The following TRIM9 variants were observed in gnomAD, a reference collection of about 807,000 sequenced individuals.
TRIM9 encodes the protein E3 ubiquitin-protein ligase TRIM9.
In TRIM9, 26 loss-of-function variants were observed where a neutral mutation model predicts 78.3. The ratio of observed to expected loss-of-function variants is 0.33; its 90% CI spans 0.24 to 0.46. TRIM9 has a LOEUF of 0.46. Among genes scored for constraint, TRIM9 ranks in the 20% least tolerant of loss-of-function variants. The probability of loss-of-function intolerance (pLI) is 1.00; values close to 1 mark genes in which losing one functional copy is unlikely to be tolerated. For synonymous variants in TRIM9, 398 were observed against 416.5 expected (o/e 0.96, Z 0.54); for missense variants, 787 against 1,036.4 (o/e 0.76, Z 3.30).
intron 1 of TRIM9, among the ~76,000 whole-genome samples, chr14:51,029,095 A>C (rs2058504418): frequency 6.6e-6 from 1 of 152,122 alleles, no homozygotes; most frequent in Non-Finnish European, 1.5e-5. Flanking sequence ...GCCCAGGCAG[A>C]AGACAGTATC....
At chr14:51,041,990 C>T (rs61985028) in intron 1 of TRIM9, among the ~76,000 whole-genome samples, 1 of 152,162 alleles carries the variant, frequency 6.6e-6, no homozygotes, top group Non-Finnish European at 1.5e-5. Context: ...TGGCTCACTG[C>T]TGGAGCAGGA....
chr14:50,985,611 A>G (rs926882159), intron 8 of TRIM9, among the ~76,000 whole-genome samples: 1 of 152,200 alleles, frequency 6.6e-6, no homozygotes, highest in African/African-American at 2.4e-5. Flanking sequence ...CATTACTGCC[A>G]TGGCCGCCAC....
chr14:51,063,973 C>T (rs536152878), intron 1 of TRIM9, among the ~76,000 whole-genome samples: 3 of 151,932 alleles, frequency 2.0e-5, no homozygotes, highest in Admixed American at 6.5e-5. Flanking sequence ...GTATAGTTTC[C>T]CTCCTTAATT....
intron 1 of TRIM9, among the ~76,000 whole-genome samples, chr14:51,044,446 A>G (rs1347173901): frequency 1.3e-5 from 2 of 152,082 alleles, no homozygotes; most frequent in Non-Finnish European, 2.9e-5. Flanking sequence ...TGTTTTTGAG[A>G]GGGGTTTCTG....
chr14:51,046,692 G>A (rs939741138), intron 1 of TRIM9, among the ~76,000 whole-genome samples: 1 of 152,150 alleles, frequency 6.6e-6, no homozygotes, highest in African/African-American at 2.4e-5. Flanking sequence ...TGCAGACTTT[G>A]GAACCAGACT....
chr14:51,071,259 C>T (rs12435402), intron 1 of TRIM9, among the ~76,000 whole-genome samples: 37,650 of 151,256 alleles, frequency 0.25, 4,945 homozygotes, highest in African/African-American at 0.32. Context: ...GCCTGTAATC[C>T]CAGCTACTCT....
rs777157344 is a variant in TRIM9, at chr14:51,094,359, C to T, written c.581G>A (p.Arg194His). 1 of 1,613,620 alleles carries T rather than the reference C, an allele frequency of 6.2e-7. No individual in the cohort carries two copies. Among genetic ancestry groups the T allele is most frequent in the South Asian group, 1.1e-5 (1 of 91,082 alleles). ...CCCCCGGGGCGGGTGGCAGCGCAGG[C>T]GGCACGGATCGCAGTAGAAGACATC... The part of the protein sequence containing the change: ...QCDVFYCDPC[R>H]LRCHPPRGPL... Residue 194 changes from arginine (R) to histidine (H), a missense_variant, in exon 1 of 13, where the codon CGC becomes CAC. Physicochemically the swap from Arg to His is conservative, Grantham distance 29 (BLOSUM62 0). This residue lies in a region of TRIM9 where 352 missense variants were observed against 472.3 expected (regional missense o/e 0.75). Transcript: ENST00000684578.
At chr14:51,034,492 T>C (rs1207447672) in intron 1 of TRIM9, among the ~76,000 whole-genome samples, 1 of 152,156 alleles carries the variant, frequency 6.6e-6, no homozygotes, top group East Asian at 1.9e-4. Context: ...AAGAAGTACA[T>C]TCATCACCTT....
In TRIM9 at chr14:51,022,971, C is replaced by T. The variant is rs932057934; in HGVS notation, c.919-14G>A. On this transcript the variant is annotated splice_polypyrimidine_tract_variant and intron_variant, in intron 2 of 12. Transcript: ENST00000684578. ...CACACTGTTCTCCTGTGTAACAGAG[C>T]ACATTTCTCAACTGCAAGCTGCTGG... is the stretch of plus-strand genomic sequence containing the variant. 2 of 1,613,466 alleles carry T rather than the reference C, an allele frequency of 1.2e-6. No individual in the cohort carries two copies. Among genetic ancestry groups the T allele is most frequent in the Non-Finnish European group, 1.7e-6 (2 of 1,179,888 alleles).
At chr14:51,020,272 G>A (rs1178800309) in intron 3 of TRIM9, among the ~76,000 whole-genome samples, 2 of 152,200 alleles carry the variant, frequency 1.3e-5, no homozygotes, top group Admixed American at 6.5e-5. Flanking sequence ...AGGGGGAGAG[G>A]AGAGCGAGCG....
At chr14:51,088,422 AT>A (rs1210959708) in intron 1 of TRIM9, among the ~76,000 whole-genome samples, 1 of 152,244 alleles carries the variant, frequency 6.6e-6, no homozygotes, top group Non-Finnish European at 1.5e-5. Flanking sequence ...TCTCAAACTT[AT>A]TTAACTATGG....
At chr14:50,992,103 T>C (rs2053587884) in intron 7 of TRIM9, among the ~76,000 whole-genome samples, 1 of 152,198 alleles carries the variant, frequency 6.6e-6, no homozygotes, top group African/African-American at 2.4e-5. Context: ...TGGTTAGGGA[T>C]TGGAAAGGCA....
intron 1 of TRIM9, among the ~76,000 whole-genome samples, chr14:51,050,898 A>G (rs971407580): frequency 3.3e-5 from 5 of 152,190 alleles, no homozygotes; most frequent in African/African-American, 1.2e-4. Flanking sequence ...AACCCTACTC[A>G]AGCCTTCAGA....
At chr14:50,990,992 T>A (rs2053434657) in intron 7 of TRIM9, among the ~76,000 whole-genome samples, 1 of 152,206 alleles carries the variant, frequency 6.6e-6, no homozygotes. Context: ...TATTTTAAGC[T>A]TTGTTAAGTG....
chr14:51,085,740 G>GT (rs1157566664), intron 1 of TRIM9, among the ~76,000 whole-genome samples: 6 of 152,092 alleles, frequency 3.9e-5, no homozygotes, highest in Non-Finnish European at 7.4e-5. Context: ...TTAGTTTATG[G>GT]TTTTTTTGGT....
At position 51,094,553 on chromosome 14, in the gene TRIM9, G is replaced by T. The variant is rs752581237; in HGVS notation, c.387C>A (p.Pro129=). The change falls in exon 1 of 13, where the codon CCC becomes CCA. Residue 129 remains proline, a synonymous_variant. Coordinates refer to ENST00000684578, the MANE Select transcript of TRIM9 (RefSeq NM_001387360.1). Reference sequence around the variant, plus strand: ...CCAGGATGAGGCTGCGGTGACACTGGGGGCAGGTGATACAGGAGTTGCGGG... The same window carrying T: ...CCAGGATGAGGCTGCGGTGACACTGTGGGCAGGTGATACAGGAGTTGCGGG... ...PVPRNSCITC[P]QCHRSLILDD... The T allele has an allele frequency of 1.3e-5, 21 of 1,612,896 alleles. No homozygotes were observed. The East Asian group carries it at 4.7e-4, about 36-fold the overall frequency.
intron 7 of TRIM9, chr14:50,997,023 T>C (rs1208971999): frequency 3.0e-6 from 3 of 985,300 alleles, no homozygotes; most frequent in African/African-American, 3.5e-5. Context: ...ACCATAGTTC[T>C]TTTAGCTAAC....
intron 1 of TRIM9, among the ~76,000 whole-genome samples, chr14:51,028,719 T>G (rs928545289): frequency 6.6e-6 from 1 of 152,204 alleles, no homozygotes; most frequent in African/African-American, 2.4e-5. Context: ...ACTGAAAAGG[T>G]GTCACGATCT....
chr14:50,986,136 A>C lies in TRIM9; in HGVS notation c.1612T>G (p.Ser538Ala). 4 of 1,522,430 alleles carry C rather than the reference A, an allele frequency of 2.6e-6. No homozygotes were observed. The highest frequency in any genetic ancestry group is 1.3e-5 in the South Asian group (1 of 79,390). 94.3% of individuals were successfully genotyped at this position (1,522,430 alleles called of 1,614,324 possible). Residue 538 changes from serine (S) to alanine (A), a missense_variant, in exon 8 of 13, where the codon TCA (serine) becomes GCA (alanine). Transcript: ENST00000684578. ...LVLQTSEDTD[S>A]EEQTLPFPVP... The stretch of plus-strand genomic sequence containing the variant: ...GGAAAAGGGAGGGTCTGTTCTTCTG[A>C]ATCTGTGTCTAAATGTAAGATCAAT...
Sources: allele counts gnomAD v4.1 joint callset (sites outside exome capture counted in the v4.1 genomes callset), GRCh38; gene constraint gnomAD v4.1.1; regional missense constraint gnomAD v4.1.1; transcripts MANE v1.5; gene names NCBI Gene and HGNC (gene_info 2026-07-23, HGNC 2026-07-21).